The following MAD1L1 variants were observed in gnomAD, a reference collection of about 807,000 sequenced individuals.
The protein encoded by MAD1L1 is mitotic spindle assembly checkpoint protein MAD1.
Under a neutral mutation model 96.9 loss-of-function variants are expected in MAD1L1, and 95 were observed. The observed-to-expected ratio is 0.98, with a 90% CI of 0.83 to 1.16. MAD1L1 has a LOEUF of 1.16. Ranked by LOEUF, MAD1L1 falls within the 50% of genes most tolerant of loss-of-function variation. The probability of loss-of-function intolerance (pLI) is 0.00; values close to 1 mark genes in which losing one functional copy is unlikely to be tolerated. For synonymous variants in MAD1L1, 473 were observed against 396.6 expected (o/e 1.19, Z -2.29); for missense variants, 1,007 against 954.4 (o/e 1.06, Z -0.73).
intron 18 of MAD1L1, among the ~76,000 whole-genome samples, chr7:1,823,247 T>C (rs1782222362): frequency 6.6e-6 from 1 of 151,924 alleles, no homozygotes. Flanking sequence ...ACCTCACATC[T>C]CAAATAAAAT....
At chr7:1,904,413 T>C (rs1345760096) in intron 17 of MAD1L1, among the ~76,000 whole-genome samples, 30 of 111,348 alleles carry the variant, frequency 2.7e-4, no homozygotes, top group East Asian at 1.6e-3. Context: ...TTCCAGGCAG[T>C]GAGGACACAG....
chr7:1,963,459 G>C lies in MAD1L1; in HGVS notation c.1506-5740C>G, dbSNP rs73292410. ...GGGAGGAGGGATTCCTGTCAAACAAGAGCACATGTCTGGGGGTCTTGAATA... is the reference window on the plus strand; with the variant it reads ...GGGAGGAGGGATTCCTGTCAAACAACAGCACATGTCTGGGGGTCTTGAATA... On this transcript the variant is annotated intron_variant, in intron 15 of 18. Transcript: ENST00000265854. Among the ~76,000 whole-genome samples, 258 of 152,330 alleles carry C rather than the reference G, an allele frequency of 1.7e-3. 1 individual carries two copies. The highest frequency in any genetic ancestry group is 5.9e-3 in the African/African-American group (244 of 41,568).
intron 18 of MAD1L1, among the ~76,000 whole-genome samples, chr7:1,896,754 C>T (rs564041532): frequency 2.0e-5 from 3 of 152,224 alleles, no homozygotes; most frequent in South Asian, 2.1e-4. Context: ...TCCTAAGATT[C>T]GCTTCAACTA....
chr7:2,054,097 C>A (rs1016241050), intron 12 of MAD1L1, among the ~76,000 whole-genome samples: 1 of 152,206 alleles, frequency 6.6e-6, no homozygotes, highest in South Asian at 2.1e-4. Context: ...CAGCCCACCT[C>A]CCCCAACACA....
At chr7:2,110,200 C>T (rs73038485) in intron 11 of MAD1L1, among the ~76,000 whole-genome samples, 4,132 of 152,336 alleles carry the variant, frequency 0.027, 99 homozygotes, top group South Asian at 0.09. Context: ...GAAGCCTCCT[C>T]CTGTGACTTC....
At chr7:1,980,586 C>G in intron 14 of MAD1L1, 45 bp from the exon 15 acceptor site, 2 of 1,514,126 alleles carry the variant, frequency 1.3e-6, no homozygotes, top group Non-Finnish European at 1.8e-6. Context: ...ACGAGCGCAC[C>G]CAGGTGTGTG....
intron 14 of MAD1L1, among the ~76,000 whole-genome samples, chr7:2,000,151 A>G (rs918657454): frequency 1.8e-4 from 28 of 151,516 alleles, no homozygotes; most frequent in Non-Finnish European, 4.0e-4. Flanking sequence ...TTCACCCTCA[A>G]TCTCCCCACC....
intron 6 of MAD1L1, 129 bp downstream of exon 6, chr7:2,219,203 C>A: frequency 1.1e-6 from 1 of 914,858 alleles, no homozygotes; most frequent in Non-Finnish European, 1.6e-6. Flanking sequence ...ATCTGCCCCT[C>A]TTGAGTGTCT....
intron 14 of MAD1L1, among the ~76,000 whole-genome samples, chr7:1,994,010 G>A (rs1024671260): frequency 6.6e-6 from 1 of 152,218 alleles, no homozygotes; most frequent in Non-Finnish European, 1.5e-5. Context: ...AGCCTGCCTG[G>A]GTGTGAACCC....
intron 18 of MAD1L1, chr7:1,845,970 AC>A (rs1783598397): frequency 6.5e-6 from 1 of 152,830 alleles, no homozygotes; most frequent in Non-Finnish European, 1.5e-5. Context: ...TCAGAAACAG[AC>A]CAAGAGACTC....
chr7:1,977,536 G>A (rs766589748), intron 15 of MAD1L1, among the ~76,000 whole-genome samples: 7 of 152,216 alleles, frequency 4.6e-5, no homozygotes, highest in Non-Finnish European at 5.9e-5. Context: ...AGCCGGCTCC[G>A]GCCTCGGCCA....
intron 10 of MAD1L1, among the ~76,000 whole-genome samples, chr7:2,149,656 C>T (rs1262072358): frequency 1.3e-5 from 2 of 152,226 alleles, no homozygotes; most frequent in South Asian, 2.1e-4. Flanking sequence ...CAGCGATCTC[C>T]AGGTGTAGCG....
intron 14 of MAD1L1, among the ~76,000 whole-genome samples, chr7:1,989,470 G>A (rs553134941): frequency 6.6e-6 from 1 of 152,400 alleles, no homozygotes; most frequent in African/African-American, 2.4e-5. Context: ...GAGGGGAGCA[G>A]AAAGCCAGGC....
Position 1,824,896 on chromosome 7 carries a change from C to T in MAD1L1, c.1999-8668G>A, listed in dbSNP as rs138005964. Among the ~76,000 whole-genome samples, 480 of 152,092 alleles carry T rather than the reference C, an allele frequency of 3.2e-3. 4 individuals are homozygous for T. The highest frequency in any genetic ancestry group is 9.5e-3 in the African/African-American group (394 of 41,490). On this transcript the variant is annotated intron_variant, in intron 18 of 18. Transcript: ENST00000265854. ...GCCGGGGAGAAGACTCAGCAGCGTCCGCCGAGAGTCAGCCCTGAACTTCAG... is the reference window on the plus strand; with the variant it reads ...GCCGGGGAGAAGACTCAGCAGCGTCTGCCGAGAGTCAGCCCTGAACTTCAG...
chr7:1,926,503 A>G (rs1296870291), intron 17 of MAD1L1, among the ~76,000 whole-genome samples: 3 of 119,464 alleles, frequency 2.5e-5, no homozygotes, highest in Non-Finnish European at 5.1e-5. Flanking sequence ...AGCAACATGT[A>G]AAAATACTAT....
At chr7:2,104,047 G>A (rs1255027647) in intron 11 of MAD1L1, among the ~76,000 whole-genome samples, 5 of 152,208 alleles carry the variant, frequency 3.3e-5, no homozygotes, top group African/African-American at 1.2e-4. Flanking sequence ...AAAGCATCTC[G>A]TGGCAGATAA....
At chr7:1,900,372 C>T (rs986398171) in intron 17 of MAD1L1, among the ~76,000 whole-genome samples, 30 of 152,302 alleles carry the variant, frequency 2.0e-4, no homozygotes, top group South Asian at 6.2e-4. Context: ...GGGGCCCTGG[C>T]GCCCATCCAC....
chr7:2,015,800 C>T (rs972673084), intron 12 of MAD1L1, among the ~76,000 whole-genome samples: 18 of 152,262 alleles, frequency 1.2e-4, no homozygotes, highest in Admixed American at 1.2e-3. Flanking sequence ...TCCAGATCTT[C>T]ACGGGCATCT....
intron 9 of MAD1L1, among the ~76,000 whole-genome samples, chr7:2,213,613 G>A (rs373862526): frequency 2.6e-5 from 4 of 152,148 alleles, no homozygotes; most frequent in African/African-American, 4.8e-5. Context: ...GAGCAGCCTC[G>A]GGTCCTTGAG....
Sources: gnomAD v4.1 joint callset for allele counts (sites outside exome capture counted in the v4.1 genomes callset) on GRCh38, gnomAD v4.1.1 for gene constraint, MANE v1.5 for transcripts, NCBI Gene and HGNC (gene_info 2026-07-23, HGNC 2026-07-21) for gene names.